Variants in MTMR3 observed in about 807,000 individuals in gnomAD.
The protein encoded by MTMR3 is myotubularin related protein 3.
In MTMR3, 32 loss-of-function variants were observed where a neutral mutation model predicts 132.4. The observed-to-expected ratio is 0.24, with a 90% CI of 0.18 to 0.32. The LOEUF is 0.32. Among genes scored for constraint, MTMR3 ranks in the 10% least tolerant of loss-of-function variants. The probability of loss-of-function intolerance (pLI) is 1.00; values close to 1 mark genes in which losing one functional copy is unlikely to be tolerated. For synonymous variants in MTMR3, 556 were observed against 550.3 expected (o/e 1.01, Z -0.14); for missense variants, 1,216 against 1,489.6 (o/e 0.82, Z 3.02).
chr22:29,949,960 C>T (rs950087179), intron 1 of MTMR3, among the ~76,000 whole-genome samples: 6 of 152,048 alleles, frequency 3.9e-5, no homozygotes, highest in Admixed American at 1.3e-4. Context: ...GGCAAGGTGT[C>T]GGGGAGAACA....
chr22:29,904,877 G>A (rs1331092762), intron 1 of MTMR3, among the ~76,000 whole-genome samples: 1 of 152,022 alleles, frequency 6.6e-6, no homozygotes, highest in Non-Finnish European at 1.5e-5. Context: ...AGACAATGAA[G>A]TTACAAGTGT....
At chr22:30,013,858 C>G (rs1287538402) in intron 14 of MTMR3, 2 of 257,196 alleles carry the variant, frequency 7.8e-6, no homozygotes, top group African/African-American at 4.6e-5. Context: ...GTCTGTCTAC[C>G]AGACCCCCAT....
intron 1 of MTMR3, among the ~76,000 whole-genome samples, chr22:29,906,043 T>A (rs1450621297): frequency 6.6e-6 from 1 of 151,916 alleles, no homozygotes; most frequent in Admixed American, 6.6e-5. Context: ...TCTTTTGAGG[T>A]GGGGTTCTCA....
chr22:29,974,238 C>T (rs1234773172), intron 3 of MTMR3, among the ~76,000 whole-genome samples: 1 of 152,222 alleles, frequency 6.6e-6, no homozygotes, highest in African/African-American at 2.4e-5. Context: ...CTTCCAACTT[C>T]TCACCTTATT....
At chr22:29,920,900 C>T (rs973723754) in intron 1 of MTMR3, among the ~76,000 whole-genome samples, 1 of 135,034 alleles carries the variant, frequency 7.4e-6, no homozygotes, top group African/African-American at 2.8e-5. Context: ...AAATTTTGTT[C>T]ATTCTAAAGA....
intron 17 of MTMR3, 53 bp downstream of exon 17, chr22:30,020,937 G>A (rs545479568): frequency 6.7e-7 from 1 of 1,500,284 alleles, no homozygotes; most frequent in South Asian, 1.3e-5. Context: ...GGCATGCTGA[G>A]GCTGGGTGCC....
chr22:30,007,090 T>C (rs1227385829), intron 9 of MTMR3, 24 bp from the exon 10 acceptor site: 1 of 1,611,902 alleles, frequency 6.2e-7, no homozygotes, highest in Non-Finnish European at 8.5e-7. Context: ...TGGGTACAGT[T>C]GTTGTCTCTT....
At chr22:29,905,317 G>C (rs1453253604) in intron 1 of MTMR3, among the ~76,000 whole-genome samples, 2 of 152,112 alleles carry the variant, frequency 1.3e-5, no homozygotes, top group African/African-American at 4.8e-5. Flanking sequence ...TCCACATTTG[G>C]TTAAAAGAAA....
intron 12 of MTMR3, chr22:30,011,965 T>A (rs1208666073): frequency 6.4e-6 from 1 of 155,396 alleles, no homozygotes; most frequent in Non-Finnish European, 1.4e-5. Flanking sequence ...TGAGAACTTG[T>A]TGGGCGTAGT....
chr22:29,921,834 T>G lies in MTMR3; in HGVS notation c.-137-35202T>G, dbSNP rs181689480. Among the ~76,000 whole-genome samples the G allele has an allele frequency of 4.3e-3, 650 of 151,592 alleles. 6 individuals are homozygous for G. Among genetic ancestry groups the G allele is most frequent in the African/African-American group, 0.015 (614 of 41,342 alleles). On this transcript the variant is annotated intron_variant, in intron 1 of 19. Transcript: ENST00000401950. ...CTTAACATAATGTCTTTAAGGTACA[T>G]CCATGTCTTTTTTTTTTTTCTTTTT...
chr22:30,020,352 T>C lies in MTMR3; in HGVS notation c.2693T>C (p.Val898Ala). Residue 898 changes from valine to alanine, a missense_variant, in exon 17 of 20, where the codon GTG (valine) becomes GCG (alanine). Around this residue, in one of 7 missense-constraint regions of MTMR3, gnomAD observed 852 missense variants for 852.0 expected, o/e 1.00. Transcript: ENST00000401950. Reference protein sequence around the residue: ...SLVERPQVGSVVHRTSLGSTL... With the variant: ...SLVERPQVGSAVHRTSLGSTL... Reference sequence around the variant, plus strand: ...GTCGAGAGGCCCCAAGTGGGGTCTGTGGTGCATAGGACTTCCCTTGGCAGC... The same window carrying C: ...GTCGAGAGGCCCCAAGTGGGGTCTGCGGTGCATAGGACTTCCCTTGGCAGC... 1 of 1,614,196 alleles carries C rather than the reference T, an allele frequency of 6.2e-7. No individual in the cohort carries two copies. Among genetic ancestry groups the C allele is most frequent in the South Asian group, 1.1e-5 (1 of 91,084 alleles).
chr22:29,939,854 G>A (rs1026540769), intron 1 of MTMR3, among the ~76,000 whole-genome samples: 1 of 152,112 alleles, frequency 6.6e-6, no homozygotes, highest in Non-Finnish European at 1.5e-5. Context: ...ATGGCCTGAA[G>A]CAACTGAAGA....
intron 3 of MTMR3, among the ~76,000 whole-genome samples, chr22:29,972,107 A>G (rs922681500): frequency 2.0e-5 from 3 of 152,244 alleles, no homozygotes; most frequent in African/African-American, 7.2e-5. Flanking sequence ...GGGCATTACA[A>G]CTTTATGATT....
intron 3 of MTMR3, among the ~76,000 whole-genome samples, chr22:29,975,293 A>G (rs558042972): frequency 6.6e-6 from 1 of 152,204 alleles, no homozygotes; most frequent in South Asian, 2.1e-4. Context: ...TTTAAAAGTA[A>G]CAACAAACCA....
chr22:29,925,914 C>CA (rs1279710114), intron 1 of MTMR3, among the ~76,000 whole-genome samples: 1 of 151,920 alleles, frequency 6.6e-6, no homozygotes, highest in East Asian at 1.9e-4. Flanking sequence ...GACTCGGTCT[C>CA]AAAAAATAAA....
intron 7 of MTMR3, chr22:29,997,892 A>C (rs947437424): frequency 7.2e-5 from 11 of 152,236 alleles, no homozygotes; most frequent in African/African-American, 2.7e-4. Context: ...ATATTTGTTT[A>C]AGGAGATCTT....
intron 16 of MTMR3, 62 bp downstream of exon 16, chr22:30,018,134 G>C: frequency 6.6e-7 from 1 of 1,505,840 alleles, no homozygotes; most frequent in Non-Finnish European, 8.9e-7. Flanking sequence ...GTGTTGGGAC[G>C]TGTGCAGGGA....
At chr22:29,941,099 T>G (rs1377273679) in intron 1 of MTMR3, among the ~76,000 whole-genome samples, 3 of 145,164 alleles carry the variant, frequency 2.1e-5, no homozygotes, top group Non-Finnish European at 4.4e-5. Context: ...TCCAAACTAC[T>G]ATTCTCTTTC....
At position 30,020,237 on chromosome 22, in the gene MTMR3, C is replaced by T. The variant is rs1353618427; in HGVS notation, c.2578C>T (p.Pro860Ser). Residue 860 changes from proline (P) to serine (S), a missense_variant, in exon 17 of 20, where the codon CCC (proline) becomes TCC (serine). This residue lies in a region of MTMR3 where 852 missense variants were observed against 852.0 expected (regional missense o/e 1.00). Transcript: ENST00000401950. ...VEDKVKSVSG[P>S]QGHHRSCLVN... Reference sequence around the variant, plus strand: ...AGATAAGGTGAAGTCAGTAAGTGGGCCCCAAGGTCATCATAGATCTTGCCT... The same window carrying T: ...AGATAAGGTGAAGTCAGTAAGTGGGTCCCAAGGTCATCATAGATCTTGCCT... 1 of 1,614,164 alleles carries T rather than the reference C, an allele frequency of 6.2e-7. No homozygotes were observed. The highest frequency in any genetic ancestry group is 8.5e-7 in the Non-Finnish European group (1 of 1,180,028).
Sources: allele counts gnomAD v4.1 joint callset (sites outside exome capture counted in the v4.1 genomes callset), GRCh38; gene constraint gnomAD v4.1.1; regional missense constraint gnomAD v4.1.1; transcripts MANE v1.5; gene names NCBI Gene and HGNC (gene_info 2026-07-23, HGNC 2026-07-21).